The following ATP5MG variants were observed in gnomAD, a reference collection of about 807,000 sequenced individuals.
ATP5MG encodes ATP synthase membrane subunit g, also known as ATP synthase F(0) complex subunit g, mitochondrial.
A neutral mutation model predicts 12.7 loss-of-function variants in ATP5MG; 7 were observed. That is an observed-to-expected ratio of 0.55 (90% CI 0.31 to 1.04). ATP5MG has a LOEUF of 1.04. Among genes scored for constraint, ATP5MG ranks in the 50% least tolerant of loss-of-function variants. The pLI, the probability that ATP5MG is intolerant of heterozygous loss-of-function variation, is 0.05. For missense variants in ATP5MG, 116 were observed against 126.7 expected, an observed-to-expected ratio of 0.92 and a Z score of 0.41; for synonymous variants, 53 against 48.2, an observed-to-expected ratio of 1.10 and a Z score of -0.41.
intron 1 of ATP5MG, chr11:118,405,821 G>C: frequency 2.0e-6 from 1 of 503,174 alleles, no homozygotes; most frequent in Non-Finnish European, 2.6e-6. Flanking sequence ...ATCTGTCTTT[G>C]AACAGTAGAC....
intron 1 of ATP5MG, chr11:118,406,319 A>C (rs1948971260): frequency 6.5e-6 from 1 of 152,760 alleles, no homozygotes; most frequent in Non-Finnish European, 1.5e-5. Flanking sequence ...GCTCTTCTTA[A>C]CTATACATGT....
At chr11:118,403,250 C>A (rs528648464) in intron 1 of ATP5MG, among the ~76,000 whole-genome samples, 2 of 152,192 alleles carry the variant, frequency 1.3e-5, no homozygotes, top group African/African-American at 4.8e-5. Flanking sequence ...AATCTCAGCA[C>A]TTTGGGAGGC....
At chr11:118,408,882 C>G (rs986087610) in intron 2 of ATP5MG, 118 bp from the exon 3 acceptor site, 73 of 273,190 alleles carry the variant, frequency 2.7e-4, no homozygotes, top group African/African-American at 1.7e-3. Flanking sequence ...GTTTGAATAG[C>G]ATCTTTTATG....
intron 2 of ATP5MG, 152 bp downstream of exon 2, chr11:118,407,249 C>A: frequency 8.5e-7 from 1 of 1,169,708 alleles, no homozygotes; most frequent in Non-Finnish European, 1.2e-6. Flanking sequence ...AAGATACTTA[C>A]TTTTCTAATT....
At chr11:118,405,863 G>A (rs558255787) in intron 1 of ATP5MG, among the ~76,000 whole-genome samples, 8 of 152,120 alleles carry the variant, frequency 5.3e-5, no homozygotes, top group Admixed American at 1.3e-4. Flanking sequence ...TTTTTATTAC[G>A]TTTCTCTTGT....
At position 118,402,069 on chromosome 11, in the gene ATP5MG, A is replaced by G. The variant is rs79977789; in HGVS notation, c.52+352A>G. Among the ~76,000 whole-genome samples, 1,305 of 152,294 alleles carry G rather than the reference A, an allele frequency of 8.6e-3. 10 individuals carry two copies. Among genetic ancestry groups the G allele is most frequent in the Non-Finnish European group, 0.014 (926 of 68,018 alleles). The stretch of plus-strand genomic sequence containing the variant: ...GGGGATGGTTCTGTTAGGAGAGCTA[A>G]GAAAAGGAAGGGCAGAAACGTGAAA... On this transcript the variant is annotated intron_variant, in intron 1 of 2. Coordinates refer to ENST00000300688, the MANE Select transcript of ATP5MG (RefSeq NM_006476.5).
intron 1 of ATP5MG, among the ~76,000 whole-genome samples, chr11:118,403,189 A>G (rs1289569570): frequency 6.6e-6 from 1 of 152,226 alleles, no homozygotes; most frequent in African/African-American, 2.4e-5. Context: ...AGAGCTCTAC[A>G]ATTTTATATA....
chr11:118,402,467 T>G (rs1555131280), intron 1 of ATP5MG, among the ~76,000 whole-genome samples: 1 of 152,154 alleles, frequency 6.6e-6, no homozygotes, highest in East Asian at 1.9e-4. Flanking sequence ...TTCAGTTGTC[T>G]TCTCAGTGGC....
At chr11:118,402,682 CT>C (rs1331286467) in intron 1 of ATP5MG, among the ~76,000 whole-genome samples, 1 of 144,406 alleles carries the variant, frequency 6.9e-6, no homozygotes, top group Non-Finnish European at 1.5e-5. Context: ...TGGGTATTTT[CT>C]TTTTCTTTCT....
At chr11:118,408,506 A>G (rs782577717) in intron 2 of ATP5MG, among the ~76,000 whole-genome samples, 19 of 152,250 alleles carry the variant, frequency 1.2e-4, no homozygotes, top group Non-Finnish European at 2.1e-4. Flanking sequence ...AATACCAGAT[A>G]CTTAGTCAGA....
rs782356794 is a variant in ATP5MG at position 118,401,632 on chromosome 11, C to T, written c.-34C>T. The T allele has an allele frequency of 1.9e-6, 3 of 1,613,512 alleles. No individual in the cohort carries two copies. The highest frequency in any genetic ancestry group is 4.5e-5 in the East Asian group (2 of 44,864). ...CTTCCGGCGGGTGACATTCAGCCGG[C>T]GGTTCGGGGCGACGGACTCTCCATT... On this transcript the variant is annotated 5_prime_UTR_variant, in exon 1 of 3. Transcript: ENST00000300688.
intron 1 of ATP5MG, 127 bp downstream of exon 1, chr11:118,401,844 G>A: frequency 1.7e-6 from 2 of 1,144,412 alleles, no homozygotes; most frequent in East Asian, 2.6e-5. Context: ...ATGGCCTGCA[G>A]GTGGAGGGAG....
At chr11:118,406,690 G>A (rs781868800) in intron 1 of ATP5MG, 1 of 506,008 alleles carries the variant, frequency 2.0e-6, no homozygotes, top group Admixed American at 3.3e-5. Context: ...TGAAGTACTG[G>A]CATAATTGAA....
intron 1 of ATP5MG, chr11:118,405,742 G>A: frequency 1.0e-6 from 1 of 980,332 alleles, no homozygotes; most frequent in Non-Finnish European, 1.2e-6. Context: ...AGAAGATGAG[G>A]GAGATAGTAA....
At chr11:118,405,804 T>A (rs569445273) in intron 1 of ATP5MG, 1 of 677,558 alleles carries the variant, frequency 1.5e-6, no homozygotes, top group Non-Finnish European at 1.8e-6. Flanking sequence ...ACCAAGAGCC[T>A]TGGGTAATCT....
chr11:118,406,857 T>C (rs1948976112), intron 1 of ATP5MG, 80 bp from the exon 2 acceptor site: 2 of 1,522,552 alleles, frequency 1.3e-6, no homozygotes, highest in Non-Finnish European at 1.8e-6. Context: ...TAAATATTTG[T>C]GTCCAGCCCA....
intron 1 of ATP5MG, among the ~76,000 whole-genome samples, chr11:118,405,272 A>T (rs553723859): frequency 6.6e-6 from 1 of 152,326 alleles, no homozygotes; most frequent in South Asian, 2.1e-4. Flanking sequence ...ATGTATATAC[A>T]TGCATATATG....
Position 118,408,006 on chromosome 11 carries a change from C to CA in ATP5MG, c.213+914dup, listed in dbSNP as rs1555132414. Among the ~76,000 whole-genome samples, 3 of 151,990 alleles carry CA rather than the reference C, an allele frequency of 2.0e-5. No individual in the cohort carries two copies. The South Asian group carries it at 6.2e-4, about 32-fold the overall frequency. On this transcript the variant is annotated intron_variant, in intron 2 of 2. Coordinates refer to ENST00000300688, the MANE Select transcript of ATP5MG (RefSeq NM_006476.5). ...TGAAACCCCATCTCTACTAAAAATA[C>CA]AAAAACTTAGCCGGGCGTGGTGGCG...
chr11:118,408,038 T>C lies in ATP5MG; in HGVS notation c.213+941T>C, dbSNP rs189801391. Among the ~76,000 whole-genome samples, 723 of 152,230 alleles carry C rather than the reference T, an allele frequency of 4.7e-3. 2 individuals carry two copies. The highest frequency in any genetic ancestry group is 0.017 in the African/African-American group (688 of 41,524). On this transcript the variant is annotated intron_variant, in intron 2 of 2. Transcript: ENST00000300688. ...TTAGCCGGGCGTGGTGGCGGAAGCC[T>C]GTAGTCCCAGCTACTTGGGAGGCTG...
Sources: allele counts gnomAD v4.1 joint callset (sites outside exome capture counted in the v4.1 genomes callset), GRCh38; gene constraint gnomAD v4.1.1; transcripts MANE v1.5; gene names NCBI Gene and HGNC (gene_info 2026-07-23, HGNC 2026-07-21).